The following SHISA9 variants were observed in gnomAD, a reference collection of about 807,000 sequenced individuals.
The protein encoded by SHISA9 is shisa family member 9, also known as protein shisa-9.
Under a neutral mutation model 38.0 loss-of-function variants are expected in SHISA9, and 13 were observed. The observed-to-expected ratio is 0.34, with a 90% CI of 0.22 to 0.54. The LOEUF (loss-of-function observed/expected upper bound fraction) is 0.54, where lower values mean the gene tolerates loss of function less well. Among genes scored for constraint, SHISA9 ranks in the 20% least tolerant of loss-of-function variants. The pLI, the probability that SHISA9 is intolerant of heterozygous loss-of-function variation, is 0.91. For synonymous variants in SHISA9, 275 were observed against 242.0 expected (o/e 1.14, Z -1.27); for missense variants, 538 against 575.8 (o/e 0.93, Z 0.67).
the SHISA9 span, among the ~76,000 whole-genome samples, chr16:13,534,219 T>C: frequency 1.4e-5 from 2 of 142,466 alleles, no homozygotes; most frequent in African/African-American, 2.6e-5. Flanking sequence ...ATCCACACCA[T>C]TTCACTTTTT....
chr16:13,402,733 C>A, the SHISA9 span, among the ~76,000 whole-genome samples: 1 of 152,004 alleles, frequency 6.6e-6, no homozygotes. Flanking sequence ...CTAGACGAAC[C>A]CAGGAATAAT....
intron 4 of SHISA9, among the ~76,000 whole-genome samples, chr16:13,230,296 C>T (rs1369303979): frequency 2.0e-5 from 3 of 152,144 alleles, no homozygotes; most frequent in Non-Finnish European, 4.4e-5. Context: ...AGCTCAAAGA[C>T]TGCAACATGG....
the SHISA9 span, among the ~76,000 whole-genome samples, chr16:13,520,021 C>T: frequency 6.6e-6 from 1 of 152,076 alleles, no homozygotes; most frequent in Non-Finnish European, 1.5e-5. Flanking sequence ...TGGCACCTAT[C>T]CAGATGGAAG....
chr16:13,050,431 A>AATTG (rs1352178103), intron 2 of SHISA9, among the ~76,000 whole-genome samples: 2 of 152,090 alleles, frequency 1.3e-5, no homozygotes, highest in Non-Finnish European at 2.9e-5. Flanking sequence ...TCCCAGGCTC[A>AATTG]AGCCATCCCC....
intron 1 of SHISA9, chr16:12,909,589 C>T (rs2071152500): frequency 2.0e-6 from 2 of 985,290 alleles, no homozygotes; most frequent in South Asian, 4.7e-5. Flanking sequence ...CATCTTGGAG[C>T]TGTTGCACTG....
intron 2 of SHISA9, among the ~76,000 whole-genome samples, chr16:13,095,639 A>G (rs1212920659): frequency 6.6e-6 from 1 of 152,240 alleles, no homozygotes; most frequent in Non-Finnish European, 1.5e-5. Flanking sequence ...GTTTCCAAGT[A>G]TGGGAGGATA....
chr16:13,553,376 C>G, the SHISA9 span, among the ~76,000 whole-genome samples: 874 of 152,306 alleles, frequency 5.7e-3, 7 homozygotes, highest in African/African-American at 0.019. Flanking sequence ...ACGCTAGGCA[C>G]TGTGCTTTAC....
At chr16:13,457,972 C>T in the SHISA9 span, among the ~76,000 whole-genome samples, 12 of 150,150 alleles carry the variant, frequency 8.0e-5, no homozygotes, top group African/African-American at 2.2e-4. Context: ...TTTCTTCCTC[C>T]CTTCCTTCCT....
At chr16:13,069,434 G>A (rs2073483039) in intron 2 of SHISA9, among the ~76,000 whole-genome samples, 1 of 151,884 alleles carries the variant, frequency 6.6e-6, no homozygotes, top group African/African-American at 2.4e-5. Flanking sequence ...ATGTGTATGT[G>A]TATATGTGTG....
the SHISA9 span, among the ~76,000 whole-genome samples, chr16:13,478,824 T>C: frequency 6.6e-6 from 1 of 152,174 alleles, no homozygotes; most frequent in African/African-American, 2.4e-5. Context: ...TGAATCCTAA[T>C]ATCTGGGAGT....
At chr16:13,469,528 T>G in the SHISA9 span, among the ~76,000 whole-genome samples, 46,007 of 151,970 alleles carry the variant, frequency 0.3, 7,227 homozygotes, top group East Asian at 0.39. Context: ...TGTGCAGATT[T>G]CCTATCATCT....
the SHISA9 span, among the ~76,000 whole-genome samples, chr16:13,519,452 C>T: frequency 1.3e-5 from 2 of 152,186 alleles, no homozygotes; most frequent in African/African-American, 4.8e-5. Context: ...TATTTCCAAA[C>T]ATAAATGCCA....
At chr16:13,330,492 G>A in the SHISA9 span, among the ~76,000 whole-genome samples, 1 of 152,146 alleles carries the variant, frequency 6.6e-6, no homozygotes, top group Non-Finnish European at 1.5e-5. Context: ...TAGTTTCTGG[G>A]ATAGCGTTCC....
At chr16:12,904,632 C>A (rs944073917) in intron 1 of SHISA9, among the ~76,000 whole-genome samples, 1 of 152,136 alleles carries the variant, frequency 6.6e-6, no homozygotes, top group African/African-American at 2.4e-5. Flanking sequence ...CCTAGGGTAC[C>A]AGAGCCTCAA....
chr16:13,356,493 G>A, the SHISA9 span, among the ~76,000 whole-genome samples: 2 of 152,168 alleles, frequency 1.3e-5, no homozygotes, highest in Non-Finnish European at 2.9e-5. Context: ...GCAGGAGGGG[G>A]AGGGCTAGTC....
At chr16:13,160,104 A>G (rs368474949) in intron 2 of SHISA9, among the ~76,000 whole-genome samples, 11 of 152,332 alleles carry the variant, frequency 7.2e-5, no homozygotes, top group Admixed American at 2.0e-4. Context: ...GTGGAGGTCA[A>G]TGAGGTGCCT....
chr16:13,474,387 C>T, the SHISA9 span: 6 of 152,272 alleles, frequency 3.9e-5, no homozygotes, highest in South Asian at 1.2e-3. Flanking sequence ...ATTTAAGAAA[C>T]TATATTTGTT....
At chr16:13,357,899 G>A in the SHISA9 span, among the ~76,000 whole-genome samples, 1 of 152,068 alleles carries the variant, frequency 6.6e-6, no homozygotes, top group Admixed American at 6.6e-5. Context: ...GGCAATGACC[G>A]GCCATTTACA....
chr16:13,284,787 C>T, the SHISA9 span, among the ~76,000 whole-genome samples: 672 of 152,098 alleles, frequency 4.4e-3, 7 homozygotes, highest in African/African-American at 0.015. Flanking sequence ...TTTGTAGAGG[C>T]GAGGTTTCAC....
Sources: gnomAD v4.1 joint callset for allele counts (sites outside exome capture counted in the v4.1 genomes callset) on GRCh38, gnomAD v4.1.1 for gene constraint, MANE v1.5 for transcripts, NCBI Gene and HGNC (gene_info 2026-07-23, HGNC 2026-07-21) for gene names.